Variants in SLC5A3 observed in about 807,000 individuals in gnomAD.
SLC5A3 encodes the protein sodium/myo-inositol cotransporter.
SLC5A3 carries 10 observed loss-of-function variants against 43.2 expected under a neutral mutation model. That is an observed-to-expected ratio of 0.23 (90% CI 0.14 to 0.39). SLC5A3 has a LOEUF of 0.39. SLC5A3 is among the 10% of genes least tolerant of loss of function. The probability of loss-of-function intolerance (pLI) is 1.00; values close to 1 mark genes in which losing one functional copy is unlikely to be tolerated. For missense variants in SLC5A3, 608 were observed against 893.4 expected (o/e 0.68, Z 4.07); for synonymous variants, 349 against 322.0 (o/e 1.08, Z -0.90).
chr21:34,104,235 T>G lies in SLC5A3; in HGVS notation c.*6880T>G. On this transcript the variant is annotated 3_prime_UTR_variant, in exon 2 of 2. Transcript: ENST00000381151. ...ATATTTGCTAGAGGAGCTACTTTGCTTTTCACAATGGGGTGGAGAGGATTC... is the reference window on the plus strand; with the variant it reads ...ATATTTGCTAGAGGAGCTACTTTGCGTTTCACAATGGGGTGGAGAGGATTC... The G allele has an allele frequency of 1.0e-6, 1 of 1,000,186 alleles. No homozygotes were observed. 62.0% of individuals were successfully genotyped at this position (1,000,186 alleles called of 1,614,324 possible). A position where few individuals can be genotyped will look rare whatever the true frequency, so the allele number is the denominator to read the frequency against.
rs1979360169 is a variant in SLC5A3, at chr21:34,103,930, G to A, written c.*6575G>A. 1 of 1,000,142 alleles carries A rather than the reference G, an allele frequency of 1.0e-6. No individual in the cohort carries two copies. Among genetic ancestry groups the A allele is most frequent in the Non-Finnish European group, 1.2e-6 (1 of 829,944 alleles). The allele number at this position is 1,000,142 out of a possible 1,614,324, so 62.0% of individuals were successfully genotyped here. Reference sequence around the variant, plus strand: ...CAGATGTCTAGGTTTTTGGTGGGTGGAACAGGTGACATATTTCTGTTTTAA... The same window carrying A: ...CAGATGTCTAGGTTTTTGGTGGGTGAAACAGGTGACATATTTCTGTTTTAA... On this transcript the variant is annotated 3_prime_UTR_variant, in exon 2 of 2. Coordinates refer to ENST00000381151, the MANE Select transcript of SLC5A3 (RefSeq NM_006933.7).
intron 1 of SLC5A3, among the ~76,000 whole-genome samples, chr21:34,087,033 C>T (rs928464760): frequency 9.9e-5 from 15 of 152,192 alleles, no homozygotes; most frequent in African/African-American, 3.4e-4. Context: ...ACTTGAAACA[C>T]GTTCCGCAGT....
At position 34,102,959 on chromosome 21, in the gene SLC5A3, T is replaced by C. The variant is rs187435026; in HGVS notation, c.*5604T>C. On this transcript the variant is annotated 3_prime_UTR_variant, in exon 2 of 2. Transcript: ENST00000381151. ...TTGGTAAATTCACCCTGTTTCCTAGTGCTGCTGGATAAAAGAGTGTTTACT... is the reference window on the plus strand; with the variant it reads ...TTGGTAAATTCACCCTGTTTCCTAGCGCTGCTGGATAAAAGAGTGTTTACT... 54 of 999,928 alleles carry C rather than the reference T, an allele frequency of 5.4e-5. No individual in the cohort carries two copies. Among genetic ancestry groups the C allele is most frequent in the Non-Finnish European group, 6.3e-5 (52 of 829,914 alleles). The allele number at this position is 999,928 out of a possible 1,614,324, so 61.9% of individuals were successfully genotyped here.
chr21:34,099,015 T>C lies in SLC5A3; in HGVS notation c.*1660T>C. ...CAGTCTTTTTAATTTTTTTGTAGTC[T>C]ATAAACTAGTTTCATTATGATGGAC... On this transcript the variant is annotated 3_prime_UTR_variant, in exon 2 of 2. Transcript: ENST00000381151. 2.0e-6 allele frequency: 2 copies of C among 991,002 alleles called. No individual in the cohort carries two copies. The highest frequency in any genetic ancestry group is 2.4e-6 in the Non-Finnish European group (2 of 821,526). The allele number at this position is 991,002 out of a possible 1,614,324, so 61.4% of individuals were successfully genotyped here.
In SLC5A3 at chr21:34,103,511, C is replaced by T. The variant is rs141152557; in HGVS notation, c.*6156C>T. The stretch of plus-strand genomic sequence containing the variant: ...TTCCATTGTAGGTTGATAGGTATAT[C>T]GAGAACAGGTACGTGACAACAGTTT... On this transcript the variant is annotated 3_prime_UTR_variant, in exon 2 of 2. Coordinates refer to ENST00000381151, the MANE Select transcript of SLC5A3 (RefSeq NM_006933.7). 8 of 999,232 alleles carry T rather than the reference C, an allele frequency of 8.0e-6. No individual in the cohort carries two copies. The African/African-American group carries it at 1.0e-4, about 13-fold the overall frequency. 61.9% of individuals were successfully genotyped at this position (999,232 alleles called of 1,614,324 possible). A position where few individuals can be genotyped will look rare whatever the true frequency, so the allele number is the denominator to read the frequency against.
intron 1 of SLC5A3, among the ~76,000 whole-genome samples, chr21:34,074,918 C>T (rs1171206813): frequency 6.6e-6 from 1 of 152,134 alleles, no homozygotes; most frequent in Non-Finnish European, 1.5e-5. Flanking sequence ...TGGGAAGGGA[C>T]GCCAGTGCCT....
intron 1 of SLC5A3, among the ~76,000 whole-genome samples, chr21:34,081,665 T>C (rs2148653508): frequency 6.6e-6 from 1 of 152,272 alleles, no homozygotes; most frequent in East Asian, 1.9e-4. Flanking sequence ...CTTTGTAAAA[T>C]GGAAGTAATT....
At chr21:34,092,706 C>G (rs1235435979) in intron 1 of SLC5A3, among the ~76,000 whole-genome samples, 5 of 152,196 alleles carry the variant, frequency 3.3e-5, no homozygotes, top group African/African-American at 1.2e-4. Context: ...TTTTTCAGCA[C>G]TTTGTTCTCT....
At chr21:34,073,896 C>T (rs2148649184) in intron 1 of SLC5A3, 151 bp downstream of exon 1, 1 of 243,440 alleles carries the variant, frequency 4.1e-6, no homozygotes, top group Non-Finnish European at 6.5e-6. Context: ...CGGGCGTCCG[C>T]GGGAAGGGGG....
Position 34,100,146 on chromosome 21 carries a change from T to G in SLC5A3, c.*2791T>G. The G allele has an allele frequency of 4.0e-6, 4 of 999,852 alleles. No homozygotes were observed. Among genetic ancestry groups the G allele is most frequent in the Non-Finnish European group, 4.8e-6 (4 of 829,602 alleles). The allele number at this position is 999,852 out of a possible 1,614,324, so 61.9% of individuals were successfully genotyped here. On this transcript the variant is annotated 3_prime_UTR_variant, in exon 2 of 2. Transcript: ENST00000381151. ...TGATATTGACTAGAATAGCTAAAAG[T>G]CAAAATGAGGTGAGGACACTGGTCT...
chr21:34,082,292 T>A (rs952690682), intron 1 of SLC5A3, among the ~76,000 whole-genome samples: 1 of 152,206 alleles, frequency 6.6e-6, no homozygotes, highest in South Asian at 2.1e-4. Flanking sequence ...CTTGAAAGTA[T>A]CTATAGTTTC....
rs1429127283 is a variant in SLC5A3, at chr21:34,100,292, A to G, written c.*2937A>G. 1.0e-6 allele frequency: 1 copy of G among 1,000,120 alleles called. No individual in the cohort carries two copies. Among genetic ancestry groups the G allele is most frequent in the Non-Finnish European group, 1.2e-6 (1 of 829,970 alleles). 62.0% of individuals were successfully genotyped at this position (1,000,120 alleles called of 1,614,324 possible). A position where few individuals can be genotyped will look rare whatever the true frequency, so the allele number is the denominator to read the frequency against. On this transcript the variant is annotated 3_prime_UTR_variant, in exon 2 of 2. Transcript: ENST00000381151. ...GATGAGAAGGGCATATTACATTGGT[A>G]TGCAGGATGATTATTGCATATTTTG...
chr21:34,083,268 G>C (rs578040217), intron 1 of SLC5A3, among the ~76,000 whole-genome samples: 1 of 152,330 alleles, frequency 6.6e-6, no homozygotes, highest in Middle Eastern at 3.4e-3. Flanking sequence ...CTGCTGGGAA[G>C]ATGCTCTTGC....
At position 34,098,862 on chromosome 21, in the gene SLC5A3, G is replaced by A. The variant is rs939558177; in HGVS notation, c.*1507G>A. Reference sequence around the variant, plus strand: ...TTGTCCTCCATGAAAGATGAAGGAAGCAAATTATGTATGTACTTTCTTTGA... The same window carrying A: ...TTGTCCTCCATGAAAGATGAAGGAAACAAATTATGTATGTACTTTCTTTGA... On this transcript the variant is annotated 3_prime_UTR_variant, in exon 2 of 2. Transcript: ENST00000381151. 8 of 999,598 alleles carry A rather than the reference G, an allele frequency of 8.0e-6. No individual in the cohort carries two copies. In the African/African-American group the frequency reaches 1.4e-4, roughly 17 times the overall value. The allele number at this position is 999,598 out of a possible 1,614,324, so 61.9% of individuals were successfully genotyped here.
chr21:34,098,494 GTACACAGCCTC>G lies in SLC5A3; in HGVS notation c.*1144_*1154del. ...TTTTTCCTCAAAAGACTTTCCATCT[GTACACAGCCTC>G]TACATTTTTGTTGTAGTGACTTAGA... On this transcript the variant is annotated 3_prime_UTR_variant, in exon 2 of 2. Coordinates refer to ENST00000381151, the MANE Select transcript of SLC5A3 (RefSeq NM_006933.7). 1 of 999,972 alleles carries G rather than the reference GTACACAGCCTC, an allele frequency of 1.0e-6. No homozygotes were observed. The highest frequency in any genetic ancestry group is 1.2e-6 in the Non-Finnish European group (1 of 829,932). The allele number at this position is 999,972 out of a possible 1,614,324, so 61.9% of individuals were successfully genotyped here.
chr21:34,102,211 G>T lies in SLC5A3; in HGVS notation c.*4856G>T, dbSNP rs1417395199. On this transcript the variant is annotated 3_prime_UTR_variant, in exon 2 of 2. Transcript: ENST00000381151. Reference sequence around the variant, plus strand: ...ACTCCTAGGAGAGAATTTAGTTAAGGTTCAAAGTAATTAACTGGCTTTGCC... The same window carrying T: ...ACTCCTAGGAGAGAATTTAGTTAAGTTTCAAAGTAATTAACTGGCTTTGCC... The T allele has an allele frequency of 1.3e-5, 13 of 999,742 alleles. No homozygotes were observed. The highest frequency in any genetic ancestry group is 1.6e-5 in the Non-Finnish European group (13 of 829,706). 61.9% of individuals were successfully genotyped at this position (999,742 alleles called of 1,614,324 possible). A position where few individuals can be genotyped will look rare whatever the true frequency, so the allele number is the denominator to read the frequency against.
chr21:34,087,886 C>T (rs1978477535), intron 1 of SLC5A3, among the ~76,000 whole-genome samples: 1 of 152,208 alleles, frequency 6.6e-6, no homozygotes, highest in Non-Finnish European at 1.5e-5. Flanking sequence ...CGCCAACAGG[C>T]TTTGCTGATG....
In SLC5A3 at chr21:34,103,263, A is replaced by C. The variant is rs1201286008; in HGVS notation, c.*5908A>C. The C allele has an allele frequency of 1.0e-6, 1 of 999,324 alleles. No individual in the cohort carries two copies. The highest frequency in any genetic ancestry group is 1.2e-6 in the Non-Finnish European group (1 of 829,528). The allele number at this position is 999,324 out of a possible 1,614,324, so 61.9% of individuals were successfully genotyped here. On this transcript the variant is annotated 3_prime_UTR_variant, in exon 2 of 2. Coordinates refer to ENST00000381151, the MANE Select transcript of SLC5A3 (RefSeq NM_006933.7). The stretch of plus-strand genomic sequence containing the variant: ...GTTTGCACCTTTCCGTTCTTAACAG[A>C]AAATTTGTATTTGTTATTCCTCTTA...
Position 34,096,374 on chromosome 21 carries a change from C to T in SLC5A3, c.1176C>T (p.Leu392=), listed in dbSNP as rs779039052. Residue 392 remains leucine (L), a synonymous_variant, in exon 2 of 2, where the codon CTC becomes CTT. Transcript: ENST00000381151. This position sits in a 1 kb window ranked among gnomAD's most constrained non-coding sequence, Gnocchi z 5.9. Reference sequence around the variant, plus strand: ...ACAGTGCCAGTACCATATTCACCCTCGATGTGTACAAACTTATCCGCAAGA... The same window carrying T: ...ACAGTGCCAGTACCATATTCACCCTTGATGTGTACAAACTTATCCGCAAGA... ...IFNSASTIFT[L]DVYKLIRKSA... 71 of 1,614,026 alleles carry T rather than the reference C, an allele frequency of 4.4e-5. 1 individual carries two copies. In the Admixed American group the frequency reaches 9.3e-4, roughly 21 times the overall value.
Sources: gnomAD v4.1 joint callset for allele counts (sites outside exome capture counted in the v4.1 genomes callset) on GRCh38, gnomAD v4.1.1 for gene constraint, Gnocchi (gnomAD v3.1) non-coding constraint, MANE v1.5 for transcripts, NCBI Gene and HGNC (gene_info 2026-07-23, HGNC 2026-07-21) for gene names.